ZNF248: variants seen among roughly 807,000 people sequenced by gnomAD.
The protein encoded by ZNF248 is KRAB protein domain.
Under a neutral mutation model 44.3 loss-of-function variants are expected in ZNF248, and 20 were observed. The observed-to-expected ratio is 0.45, with a 90% confidence interval of 0.32 to 0.66. The LOEUF is 0.66. Ranked by LOEUF, ZNF248 falls within the 30% of genes least tolerant of loss-of-function variation. The probability of loss-of-function intolerance (pLI) is 0.04; values close to 1 mark genes in which losing one functional copy is unlikely to be tolerated. For synonymous variants in ZNF248, 224 were observed against 229.0 expected, an observed-to-expected ratio of 0.98 and a Z score of 0.20; for missense variants, 654 against 677.0, an observed-to-expected ratio of 0.97 and a Z score of 0.38.
rs867085661 is a variant in ZNF248 at position 37,848,166 on chromosome 10, G to A, written c.15+8130C>T. On this transcript the variant is annotated intron_variant, in intron 3 of 5. Coordinates refer to ENST00000395867, the MANE Select transcript of ZNF248 (RefSeq NM_021045.3). ...CACACACCTGCAGTCCCAGCTACTC[G>A]GGAGGCTGAGGCAGGTGAATCGCTT... Among the ~76,000 whole-genome samples, 22 of 152,246 alleles carry A rather than the reference G, an allele frequency of 1.4e-4. No individual in the cohort carries two copies. In the East Asian group the frequency reaches 1.5e-3, roughly 11 times the overall value.
the ZNF248 span, among the ~76,000 whole-genome samples, chr10:37,771,194 A>C: frequency 2.0e-5 from 3 of 152,186 alleles, no homozygotes; most frequent in Non-Finnish European, 4.4e-5. Flanking sequence ...CCAGTTCAAC[A>C]ATTGTGGAAG....
chr10:37,824,109 G>A (rs964980300), downstream of ZNF248, among the ~76,000 whole-genome samples: 3 of 152,076 alleles, frequency 2.0e-5, no homozygotes, highest in Non-Finnish European at 4.4e-5. Flanking sequence ...TAGCAAACTC[G>A]GGGCCCAGGA....
chr10:37,833,158 C>CTT, intron 5 of ZNF248, 42 bp from the exon 6 acceptor site: 1 of 1,530,776 alleles, frequency 6.5e-7, no homozygotes, highest in Non-Finnish European at 8.7e-7. Flanking sequence ...AACCTTAATA[C>CTT]ATTTCTGATG....
At chr10:37,790,104 A>AC (rs2048321749) in intron 6 of ZNF248, among the ~76,000 whole-genome samples, 1 of 129,136 alleles carries the variant, frequency 7.7e-6, no homozygotes, top group East Asian at 2.6e-4. Flanking sequence ...TACTGAAAAT[A>AC]CAAAAAAAAA....
rs550980387 is a variant in ZNF248, at chr10:37,831,220, T to C, written c.*395A>G. 4.5e-6 allele frequency: 7 copies of C among 1,544,468 alleles called. No individual in the cohort carries two copies. The Admixed American group carries it at 8.0e-5, about 18-fold the overall frequency. On this transcript the variant is annotated 3_prime_UTR_variant, in exon 6 of 6. Transcript: ENST00000395867. ...ATCAAGCATACTCAAATTTATATAT[T>C]TGCATACTCACATAAGGTCTACAAA...
At chr10:37,777,828 T>A (rs1211330852) in intron 6 of ZNF248, among the ~76,000 whole-genome samples, 1 of 152,036 alleles carries the variant, frequency 6.6e-6, no homozygotes, top group Non-Finnish European at 1.5e-5. Flanking sequence ...GAATGATGAC[T>A]TCCAATTTCA....
intron 6 of ZNF248, among the ~76,000 whole-genome samples, chr10:37,787,543 T>G (rs1195300163): frequency 1.3e-5 from 2 of 152,042 alleles, no homozygotes; most frequent in Non-Finnish European, 2.9e-5. Context: ...GGTCAACTGA[T>G]TTTTGACAAA....
At chr10:37,797,236 T>C (rs929576099) in intron 6 of ZNF248, among the ~76,000 whole-genome samples, 3 of 152,276 alleles carry the variant, frequency 2.0e-5, no homozygotes, top group East Asian at 1.9e-4. Flanking sequence ...GATCTAGATA[T>C]GTTTCAGGAG....
the ZNF248 span, among the ~76,000 whole-genome samples, chr10:37,767,093 G>C: frequency 6.6e-6 from 1 of 152,238 alleles, no homozygotes; most frequent in Non-Finnish European, 1.5e-5. Context: ...AAAAAGAAAC[G>C]AGCAAAGCCT....
At chr10:37,762,861 C>T in the ZNF248 span, among the ~76,000 whole-genome samples, 7 of 152,188 alleles carry the variant, frequency 4.6e-5, no homozygotes, top group Admixed American at 4.6e-4. Context: ...CCATTCTCAG[C>T]TGTTTCCTTA....
At chr10:37,804,444 C>A (rs1026110027) in intron 6 of ZNF248, among the ~76,000 whole-genome samples, 11 of 150,146 alleles carry the variant, frequency 7.3e-5, no homozygotes, top group East Asian at 4.0e-4. Context: ...TTATTTATTT[C>A]TTTATTTGAG....
the ZNF248 span, among the ~76,000 whole-genome samples, chr10:37,770,802 C>G: frequency 2.6e-5 from 4 of 151,954 alleles, no homozygotes; most frequent in African/African-American, 9.7e-5. Flanking sequence ...AGCTTCTGCA[C>G]AGCAAAAGAA....
intron 5 of ZNF248, among the ~76,000 whole-genome samples, chr10:37,833,571 T>C (rs1168368855): frequency 6.6e-6 from 1 of 152,134 alleles, no homozygotes; most frequent in Non-Finnish European, 1.5e-5. Flanking sequence ...CCTAATCCCC[T>C]CACACACAGT....
chr10:37,836,338 A>G (rs1350181200), intron 5 of ZNF248, among the ~76,000 whole-genome samples: 1 of 152,204 alleles, frequency 6.6e-6, no homozygotes, highest in African/African-American at 2.4e-5. Context: ...ACATTTACTC[A>G]AAACAGTTTC....
intron 3 of ZNF248, among the ~76,000 whole-genome samples, chr10:37,852,331 C>T (rs957683371): frequency 1.9e-4 from 29 of 152,102 alleles, no homozygotes; most frequent in East Asian, 3.9e-4. Flanking sequence ...ATATACAACC[C>T]GGATGAAACA....
the ZNF248 span, among the ~76,000 whole-genome samples, chr10:37,767,045 G>A: frequency 6.6e-6 from 1 of 152,066 alleles, no homozygotes; most frequent in Non-Finnish European, 1.5e-5. Context: ...TGAAATGAAT[G>A]AAATGAAGCA....
chr10:37,791,278 G>A (rs1318068906), intron 6 of ZNF248, among the ~76,000 whole-genome samples: 1 of 151,732 alleles, frequency 6.6e-6, no homozygotes, highest in Non-Finnish European at 1.5e-5. Context: ...TCCTGACCTC[G>A]TGATCCACCT....
chr10:37,807,136 G>T (rs767709657), intron 6 of ZNF248, among the ~76,000 whole-genome samples: 1 of 151,796 alleles, frequency 6.6e-6, no homozygotes, highest in Non-Finnish European at 1.5e-5. Context: ...GGTATGTGCC[G>T]CCACACCCTC....
At position 37,856,596 on chromosome 10, in the gene ZNF248, G is replaced by GA. The variant is rs753392977; in HGVS notation, c.-125-65dup. The GA allele has an allele frequency of 2.3e-5, 25 of 1,097,140 alleles. No homozygotes were observed. The East Asian group carries it at 3.2e-4, about 14-fold the overall frequency. 68.0% of individuals were successfully genotyped at this position (1,097,140 alleles called of 1,614,324 possible). The stretch of plus-strand genomic sequence containing the variant: ...TTAACAAGTTAACAGTAATCTGAAG[G>GA]AAAAAACACTATGGGTTTGTCAAAA... On this transcript the variant is annotated intron_variant, in intron 1 of 5. Coordinates refer to ENST00000395867, the MANE Select transcript of ZNF248 (RefSeq NM_021045.3).
Sources: allele counts gnomAD v4.1 joint callset (sites outside exome capture counted in the v4.1 genomes callset), GRCh38; gene constraint gnomAD v4.1.1; transcripts MANE v1.5; gene names NCBI Gene and HGNC (gene_info 2026-07-23, HGNC 2026-07-21).